PALS2: variants seen among roughly 807,000 people sequenced by gnomAD.
PALS2 encodes protein associated with LIN7 2, MAGUK p55 family member.
Under a neutral mutation model 61.6 loss-of-function variants are expected in PALS2, and 27 were observed. The ratio of observed to expected loss-of-function variants is 0.44; its 90% CI spans 0.32 to 0.60. PALS2 has a LOEUF of 0.60. Ranked by LOEUF, PALS2 falls within the 20% of genes least tolerant of loss-of-function variation. The pLI is 0.05. For synonymous variants in PALS2, 236 were observed against 218.6 expected, an observed-to-expected ratio of 1.08 and a Z score of -0.70; for missense variants, 554 against 639.4, an observed-to-expected ratio of 0.87 and a Z score of 1.44.
At chr7:24,607,154 T>C (rs921212966) in intron 1 of PALS2, among the ~76,000 whole-genome samples, 1 of 152,138 alleles carries the variant, frequency 6.6e-6, no homozygotes, top group South Asian at 2.1e-4. Context: ...AGAAGATAGA[T>C]GTGTGGTTAG....
chr7:24,684,139 C>T (rs1288884180), intron 11 of PALS2, among the ~76,000 whole-genome samples: 4 of 150,966 alleles, frequency 2.6e-5, no homozygotes, highest in African/African-American at 9.7e-5. Flanking sequence ...TTTTTTCTGT[C>T]GCCAGGCTGG....
At chr7:24,602,064 A>T (rs1259751057) in intron 1 of PALS2, among the ~76,000 whole-genome samples, 2 of 151,812 alleles carry the variant, frequency 1.3e-5, no homozygotes, top group Non-Finnish European at 2.9e-5. Context: ...ATGCCCTCTA[A>T]TCAGGTTCTC....
At chr7:24,581,478 C>T (rs191149565) in intron 1 of PALS2, among the ~76,000 whole-genome samples, 1 of 152,206 alleles carries the variant, frequency 6.6e-6, no homozygotes, top group East Asian at 1.9e-4. Context: ...TTCAGCCTAC[C>T]ATAATGGTAA....
chr7:24,676,570 A>G (rs912968377), intron 9 of PALS2, among the ~76,000 whole-genome samples: 1 of 151,950 alleles, frequency 6.6e-6, no homozygotes, highest in Admixed American at 6.6e-5. Context: ...TAAGGAAGGG[A>G]TCCAGTTTCA....
chr7:24,644,409 C>T (rs570581479), intron 3 of PALS2, among the ~76,000 whole-genome samples: 1 of 152,204 alleles, frequency 6.6e-6, no homozygotes, highest in Non-Finnish European at 1.5e-5. Flanking sequence ...GCCTCCAGCT[C>T]CATTCATGTT....
At chr7:24,657,721 AT>A (rs1260504943) in intron 5 of PALS2, among the ~76,000 whole-genome samples, 1 of 151,814 alleles carries the variant, frequency 6.6e-6, no homozygotes, top group African/African-American at 2.4e-5. Context: ...CCAATTTATG[AT>A]TTTTTTTCTT....
intron 11 of PALS2, among the ~76,000 whole-genome samples, chr7:24,686,816 T>A (rs1314001053): frequency 2.0e-5 from 3 of 152,242 alleles, no homozygotes; most frequent in East Asian, 3.8e-4. Flanking sequence ...GCTTTACTTA[T>A]GTAGAACCCA....
chr7:24,581,124 C>A (rs1782824613), intron 1 of PALS2, among the ~76,000 whole-genome samples: 1 of 152,122 alleles, frequency 6.6e-6, no homozygotes, highest in African/African-American at 2.4e-5. Context: ...TAAGGGAGAA[C>A]TTACTTGTTG....
chr7:24,650,048 G>T (rs1786059624), intron 4 of PALS2, among the ~76,000 whole-genome samples: 1 of 152,038 alleles, frequency 6.6e-6, no homozygotes, highest in Non-Finnish European at 1.5e-5. Context: ...TTGAAGACAT[G>T]AACTACCCTT....
intron 2 of PALS2, among the ~76,000 whole-genome samples, chr7:24,637,883 A>G (rs1246942914): frequency 1.3e-5 from 2 of 152,220 alleles, no homozygotes; most frequent in Admixed American, 1.3e-4. Context: ...CAGTCATAGA[A>G]TGTTCTTCCA....
intron 5 of PALS2, among the ~76,000 whole-genome samples, chr7:24,660,120 T>C (rs1385779376): frequency 6.6e-6 from 1 of 152,228 alleles, no homozygotes; most frequent in Non-Finnish European, 1.5e-5. Context: ...GTTTCACATA[T>C]TTTGTCAACA....
chr7:24,659,747 A>G (rs1262768345), intron 5 of PALS2, among the ~76,000 whole-genome samples: 1 of 152,164 alleles, frequency 6.6e-6, no homozygotes, highest in Non-Finnish European at 1.5e-5. Context: ...AATGCTTTCA[A>G]ATGATTCTTT....
chr7:24,595,967 A>T (rs1283737130), intron 1 of PALS2, among the ~76,000 whole-genome samples: 4 of 151,904 alleles, frequency 2.6e-5, no homozygotes, highest in African/African-American at 9.7e-5. Flanking sequence ...GCCCAGTGTG[A>T]CTGGAGACAA....
In PALS2 at chr7:24,573,606, G is replaced by C; in HGVS notation, c.-3+13G>C. The stretch of plus-strand genomic sequence containing the variant: ...GAGGTGCGAGCCGGTGAGTTAACTG[G>C]ACCCCCACGCCGCTCGGGTAACGGT... On this transcript the variant is annotated intron_variant, in intron 1 of 11. Coordinates refer to ENST00000222644, the MANE Select transcript of PALS2 (RefSeq NM_001303037.2). The surrounding 1 kb of genome is among the most constrained non-coding windows in gnomAD (Gnocchi z 5.3). The C allele has an allele frequency of 2.8e-6, 1 of 357,980 alleles. No individual in the cohort carries two copies. Among genetic ancestry groups the C allele is most frequent in the East Asian group, 4.0e-5 (1 of 24,770 alleles). The allele number at this position is 357,980 out of a possible 1,614,324, so 22.2% of individuals were successfully genotyped here.
chr7:24,589,034 T>C (rs891410868), intron 1 of PALS2: 3 of 152,176 alleles, frequency 2.0e-5, no homozygotes, highest in African/African-American at 7.2e-5. Flanking sequence ...AGTATTTCTT[T>C]ACTGTAGTGG....
intron 5 of PALS2, among the ~76,000 whole-genome samples, chr7:24,662,734 A>T (rs983510246): frequency 6.9e-6 from 1 of 145,800 alleles, no homozygotes; most frequent in Non-Finnish European, 1.5e-5. Flanking sequence ...ACGCCACTGC[A>T]CTCCAGCCTG....
intron 9 of PALS2, among the ~76,000 whole-genome samples, chr7:24,672,676 G>A (rs1181609612): frequency 6.6e-6 from 1 of 152,022 alleles, no homozygotes; most frequent in East Asian, 1.9e-4. Flanking sequence ...GTAGCAAAAA[G>A]TATTTTCTTA....
At position 24,585,073 on chromosome 7, in the gene PALS2, G is replaced by A. The variant is rs1251214785; in HGVS notation, c.-3+11480G>A. Among the ~76,000 whole-genome samples, 8 of 152,236 alleles carry A rather than the reference G, an allele frequency of 5.3e-5. No individual in the cohort carries two copies. The East Asian group carries it at 1.5e-3, about 29-fold the overall frequency. ...CTGTTTTGGTTACTGTAGCCTTGTA[G>A]TATAGTTTGAAGTCAGGTAGTGTGA... On this transcript the variant is annotated intron_variant, in intron 1 of 11. Transcript: ENST00000222644.
In PALS2 at chr7:24,623,761, C is replaced by A. The variant is rs752769791; in HGVS notation, c.94C>A (p.Pro32Thr). 2 of 1,583,150 alleles carry A rather than the reference C, an allele frequency of 1.3e-6. No individual in the cohort carries two copies. The highest frequency in any genetic ancestry group is 1.7e-6 in the Non-Finnish European group (2 of 1,158,900). ...TTTCCTCAAGGGAATTATGGAGAAT[C>A]CTATTGTAAAATCACTTGCTAAGGT... ...LIFLKGIMEN[P>T]IVKSLAKAHE... is the part of the protein sequence containing the mutation. Residue 32 changes from proline to threonine, a missense_variant, in exon 2 of 12, where the codon CCT becomes ACT. Transcript: ENST00000222644.
Sources: allele counts gnomAD v4.1 joint callset (sites outside exome capture counted in the v4.1 genomes callset), GRCh38; gene constraint gnomAD v4.1.1; non-coding constraint Gnocchi (gnomAD v3.1); transcripts MANE v1.5; gene names NCBI Gene and HGNC (gene_info 2026-07-23, HGNC 2026-07-21).